The following YAF2 variants were observed in gnomAD, a reference collection of about 807,000 sequenced individuals.
YAF2 encodes YY1-associated factor 2.
Under a neutral mutation model 20.1 loss-of-function variants are expected in YAF2, and 7 were observed. The observed-to-expected ratio is 0.35, with a 90% CI of 0.20 to 0.65. The LOEUF (loss-of-function observed/expected upper bound fraction) is 0.65, where lower values mean the gene tolerates loss of function less well. YAF2 is among the 30% of genes least tolerant of loss of function. YAF2 has a pLI of 0.69. For missense variants in YAF2, 151 were observed against 219.2 expected (o/e 0.69, Z 1.96); for synonymous variants, 74 against 76.0 (o/e 0.97, Z 0.14).
At chr12:42,173,252 C>T (rs1248173579) in intron 2 of YAF2, among the ~76,000 whole-genome samples, 3 of 152,130 alleles carry the variant, frequency 2.0e-5, no homozygotes, top group East Asian at 3.8e-4. Context: ...CGGGGCTCCA[C>T]GGTCTATATG....
At chr12:42,232,023 T>C (rs1182617894) in intron 2 of YAF2, 1 of 152,216 alleles carries the variant, frequency 6.6e-6, no homozygotes, top group Non-Finnish European at 1.5e-5. Context: ...ACACATGTGC[T>C]TTCCCTTAAC....
intron 2 of YAF2, among the ~76,000 whole-genome samples, chr12:42,169,833 T>C (rs1323985133): frequency 6.6e-6 from 1 of 152,020 alleles, no homozygotes; most frequent in Non-Finnish European, 1.5e-5. Context: ...GTTAGAGATA[T>C]ATAGTAGAAG....
intron 2 of YAF2, among the ~76,000 whole-genome samples, chr12:42,178,138 A>C (rs531870279): frequency 1.3e-5 from 2 of 152,246 alleles, no homozygotes; most frequent in Non-Finnish European, 1.5e-5. Context: ...TCAATAAAGA[A>C]AAATAAATAT....
chr12:42,193,596 T>C (rs931344078), intron 2 of YAF2, among the ~76,000 whole-genome samples: 15 of 152,118 alleles, frequency 9.9e-5, no homozygotes, highest in African/African-American at 3.6e-4. Context: ...TGCCTTGACC[T>C]CCTGGGCTCA....
At chr12:42,189,735 ATTAG>A (rs1565617668) in intron 2 of YAF2, among the ~76,000 whole-genome samples, 2 of 152,208 alleles carry the variant, frequency 1.3e-5, no homozygotes, top group African/African-American at 4.8e-5. Flanking sequence ...ATTAGTATTA[ATTAG>A]TATTAATTAA....
At chr12:42,228,110 C>T (rs1289259493) in intron 2 of YAF2, among the ~76,000 whole-genome samples, 35 of 82,556 alleles carry the variant, frequency 4.2e-4, no homozygotes, top group Admixed American at 6.4e-4. Context: ...GTGAGGAGCC[C>T]CTCTGCCCGG....
intron 2 of YAF2, among the ~76,000 whole-genome samples, chr12:42,230,213 C>T (rs535355659): frequency 1.3e-5 from 2 of 151,930 alleles, no homozygotes; most frequent in African/African-American, 4.8e-5. Context: ...GCCAAGATCG[C>T]GCTACTGCAC....
intron 2 of YAF2, among the ~76,000 whole-genome samples, chr12:42,167,595 C>T (rs555701691): frequency 3.3e-5 from 5 of 152,316 alleles, no homozygotes; most frequent in Admixed American, 2.0e-4. Flanking sequence ...AAACAATACA[C>T]ATATCCTGTA....
chr12:42,185,642 A>T (rs1374216291), intron 2 of YAF2, among the ~76,000 whole-genome samples: 1 of 152,202 alleles, frequency 6.6e-6, no homozygotes, highest in South Asian at 2.1e-4. Context: ...AAGACCCTCC[A>T]CCAGCAAAAA....
At chr12:42,222,583 C>T (rs748943865) in intron 2 of YAF2, among the ~76,000 whole-genome samples, 3 of 151,980 alleles carry the variant, frequency 2.0e-5, no homozygotes, top group Non-Finnish European at 4.4e-5. Flanking sequence ...TTACATAAAA[C>T]GGCAGGATTG....
At position 42,207,748 on chromosome 12, in the gene YAF2, G is replaced by A. The variant is rs543591586; in HGVS notation, c.152+29851C>T. On this transcript the variant is annotated intron_variant, in intron 2 of 3. Coordinates refer to ENST00000534854, the MANE Select transcript of YAF2 (RefSeq NM_005748.6). ...TCTACTAAAAATACAAAAATTAGCCGGGCGTCGTGGCGGGCGCCTGTAGTC... is the reference window on the plus strand; with the variant it reads ...TCTACTAAAAATACAAAAATTAGCCAGGCGTCGTGGCGGGCGCCTGTAGTC... Among the ~76,000 whole-genome samples, 393 of 152,036 alleles carry A rather than the reference G, an allele frequency of 2.6e-3. 3 individuals are homozygous for A. The highest frequency in any genetic ancestry group is 8.7e-3 in the African/African-American group (362 of 41,486).
At chr12:42,209,591 T>G (rs796938812) in intron 2 of YAF2, among the ~76,000 whole-genome samples, 1,803 of 126,660 alleles carry the variant, frequency 0.014, 51 homozygotes, top group African/African-American at 0.051. Flanking sequence ...AAAAAAAAAG[T>G]GCTAGACAAT....
At chr12:42,219,937 TATTATAATTGAA>T (rs745360852) in intron 2 of YAF2, among the ~76,000 whole-genome samples, 6 of 152,180 alleles carry the variant, frequency 3.9e-5, no homozygotes, top group Non-Finnish European at 7.3e-5. Context: ...ACATGATCTA[TATTATAATTGAA>T]AAACAAAGTT....
In YAF2 at chr12:42,157,783, T is replaced by TAC. The variant is rs983295750; in HGVS notation, c.*2805_*2806insGT. On this transcript the variant is annotated 3_prime_UTR_variant, in exon 4 of 4. Transcript: ENST00000534854. ...TATATTCACTTTTTAAATATACATA[T>TAC]ATATATATATGTATATTCAAATTTT... 2.6e-5 allele frequency: 4 copies of TAC among 151,538 alleles called. No individual in the cohort carries two copies. Among genetic ancestry groups the TAC allele is most frequent in the African/African-American group, 9.7e-5 (4 of 41,270 alleles). 9.4% of individuals were successfully genotyped at this position (151,538 alleles called of 1,614,324 possible). A position where few individuals can be genotyped will look rare whatever the true frequency, so the allele number is the denominator to read the frequency against.
chr12:42,162,429 AACATCTGATG>A (rs2136950823), intron 2 of YAF2, among the ~76,000 whole-genome samples: 1 of 152,302 alleles, frequency 6.6e-6, no homozygotes, highest in Non-Finnish European at 1.5e-5. Context: ...GCCTGGCTTC[AACATCTGATG>A]CTGGTACAAG....
chr12:42,236,299 T>C (rs2068153213), intron 2 of YAF2, among the ~76,000 whole-genome samples: 1 of 152,230 alleles, frequency 6.6e-6, no homozygotes, highest in South Asian at 2.1e-4. Context: ...GGTCCAAAAA[T>C]AGTAACCACA....
chr12:42,199,985 T>A (rs1288806441), intron 2 of YAF2, among the ~76,000 whole-genome samples: 1 of 152,208 alleles, frequency 6.6e-6, no homozygotes, highest in Non-Finnish European at 1.5e-5. Flanking sequence ...CTCAAATAGT[T>A]TAAGGAGAAC....
In YAF2 at chr12:42,157,509, G is replaced by A. The variant is rs1400906265; in HGVS notation, c.*3080C>T. On this transcript the variant is annotated 3_prime_UTR_variant, in exon 4 of 4. Coordinates refer to ENST00000534854, the MANE Select transcript of YAF2 (RefSeq NM_005748.6). ...AAAAGCGAGTGGCGGAAGCCTCAGT[G>A]GAAACGAAAACTTCTAGACCATTTA... 6.6e-6 allele frequency: 1 copy of A among 152,158 alleles called. No homozygotes were observed. The highest frequency in any genetic ancestry group is 1.5e-5 in the Non-Finnish European group (1 of 68,054). The allele number at this position is 152,158 out of a possible 1,614,324, so 9.4% of individuals were successfully genotyped here.
intron 2 of YAF2, among the ~76,000 whole-genome samples, chr12:42,196,172 A>T (rs1396727088): frequency 7.0e-6 from 1 of 143,778 alleles, no homozygotes; most frequent in African/African-American, 2.6e-5. Context: ...CAGTAAGGTG[A>T]GCCGAGATCA....
Sources: gnomAD v4.1 joint callset for allele counts (sites outside exome capture counted in the v4.1 genomes callset) on GRCh38, gnomAD v4.1.1 for gene constraint, MANE v1.5 for transcripts, NCBI Gene and HGNC (gene_info 2026-07-23, HGNC 2026-07-21) for gene names.